Variants in SOX6 observed in about 807,000 individuals in gnomAD.
The protein encoded by SOX6 is SRY-box transcription factor 6.
A neutral mutation model predicts 97.8 loss-of-function variants in SOX6; 11 were observed. That is an observed-to-expected ratio of 0.11 (90% confidence interval 0.07 to 0.19). The LOEUF is 0.19. Among genes scored for constraint, SOX6 ranks in the 10% least tolerant of loss-of-function variants. SOX6 has a pLI of 1.00. For missense variants in SOX6, 810 were observed against 1,039.5 expected, an observed-to-expected ratio of 0.78 and a Z score of 3.04; for synonymous variants, 360 against 371.4, an observed-to-expected ratio of 0.97 and a Z score of 0.35.
At position 16,049,759 on chromosome 11, in the gene SOX6, A is replaced by T. The variant is rs779553988; in HGVS notation, c.1431T>A (p.Ser477=). ...PIGGSLGRGS[S]LDILSSLNSP... is the part of the protein sequence containing the mutation. ...GGTGTTGACTTTTCCATTTACCTAAAGAGGATCCTCTTCCCAGGCTTCCTC... is the reference window on the plus strand; with the variant it reads ...GGTGTTGACTTTTCCATTTACCTAATGAGGATCCTCTTCCCAGGCTTCCTC... The change falls in exon 11 of 16, where the codon TCT becomes TCA. Residue 477 remains serine, a synonymous_variant. Transcript: ENST00000683767. The T allele has an allele frequency of 6.2e-7, 1 of 1,613,430 alleles. No homozygotes were observed. The highest frequency in any genetic ancestry group is 8.5e-7 in the Non-Finnish European group (1 of 1,179,776).
intron 4 of SOX6, among the ~76,000 whole-genome samples, chr11:16,497,428 A>C (rs1860620107): frequency 6.6e-6 from 1 of 152,212 alleles, no homozygotes; most frequent in African/African-American, 2.4e-5. Flanking sequence ...CTCCAAAGGA[A>C]TGCAGGTCCT....
intron 3 of SOX6, among the ~76,000 whole-genome samples, chr11:16,645,608 C>T (rs1157901818): frequency 6.6e-6 from 1 of 152,124 alleles, no homozygotes; most frequent in Admixed American, 6.5e-5. Context: ...GTTCTCATAA[C>T]AAAATGGCCA....
At chr11:16,484,357 C>T in intron 4 of SOX6, 1 of 819,158 alleles carries the variant, frequency 1.2e-6, no homozygotes, top group Non-Finnish European at 2.2e-6. Flanking sequence ...GGTAAGGATC[C>T]AGGTAGTCCA....
chr11:16,628,312 C>A (rs1384340731), intron 3 of SOX6, among the ~76,000 whole-genome samples: 1 of 151,972 alleles, frequency 6.6e-6, no homozygotes, highest in Non-Finnish European at 1.5e-5. Flanking sequence ...TTAAAATAGT[C>A]TTTTCTAGTT....
At chr11:16,639,695 C>A (rs888020900) in intron 3 of SOX6, among the ~76,000 whole-genome samples, 4 of 152,168 alleles carry the variant, frequency 2.6e-5, no homozygotes, top group African/African-American at 7.2e-5. Flanking sequence ...TGGGTGTTCA[C>A]TCATGATTTG....
intron 1 of SOX6, chr11:16,738,305 T>C (rs1422515985): frequency 5.9e-6 from 1 of 168,936 alleles, no homozygotes; most frequent in Non-Finnish European, 1.3e-5. Flanking sequence ...AAACATTACA[T>C]TTAAACATAG....
intron 6 of SOX6, among the ~76,000 whole-genome samples, chr11:16,115,608 A>T (rs1849329796): frequency 6.6e-6 from 1 of 152,184 alleles, no homozygotes; most frequent in African/African-American, 2.4e-5. Context: ...CACAATTTAC[A>T]CATAGGAAAA....
intron 12 of SOX6, among the ~76,000 whole-genome samples, chr11:16,019,991 T>C (rs1855005103): frequency 6.6e-6 from 1 of 152,162 alleles, no homozygotes; most frequent in African/African-American, 2.4e-5. Context: ...TCCTAGCTCT[T>C]AGCTTCAATT....
rs529932175 is a variant in SOX6, at chr11:16,367,111, C to T, written c.-4-25859G>A. Among the ~76,000 whole-genome samples the T allele has an allele frequency of 1.8e-3, 278 of 152,250 alleles. 4 individuals carry two copies. Among genetic ancestry groups the T allele is most frequent in the South Asian group, 3.7e-3 (18 of 4,824 alleles). ...TAGAAAATCTAAATCTACAGGTTAGCTCCTCAGACAAGTTCTAAGATATAG... is the reference window on the plus strand; with the variant it reads ...TAGAAAATCTAAATCTACAGGTTAGTTCCTCAGACAAGTTCTAAGATATAG... On this transcript the variant is annotated intron_variant, in intron 1 of 15. Coordinates refer to the SOX6 transcript ENST00000396356.
At chr11:16,553,193 G>A (rs1416607753) in intron 4 of SOX6, among the ~76,000 whole-genome samples, 1 of 152,194 alleles carries the variant, frequency 6.6e-6, no homozygotes, top group African/African-American at 2.4e-5. Context: ...CTTTGGCTAG[G>A]AAAGAACTTA....
intron 6 of SOX6, among the ~76,000 whole-genome samples, chr11:16,115,320 A>G (rs1432692602): frequency 6.6e-6 from 1 of 152,180 alleles, no homozygotes; most frequent in East Asian, 1.9e-4. Flanking sequence ...TACCTACTGA[A>G]TCAGAAAACT....
At chr11:16,379,642 C>A (rs911170262) in intron 1 of SOX6, among the ~76,000 whole-genome samples, 5 of 152,118 alleles carry the variant, frequency 3.3e-5, no homozygotes, top group Non-Finnish European at 5.9e-5. Context: ...CTCTTATACA[C>A]TGTTGACAAG....
intron 3 of SOX6, among the ~76,000 whole-genome samples, chr11:16,295,538 G>A (rs979442436): frequency 6.6e-6 from 1 of 151,828 alleles, no homozygotes; most frequent in African/African-American, 2.4e-5. Flanking sequence ...ATTCTTACCT[G>A]GACTACAAAA....
intron 3 of SOX6, among the ~76,000 whole-genome samples, chr11:16,297,879 A>G (rs1855145243): frequency 6.6e-6 from 1 of 152,196 alleles, no homozygotes; most frequent in Middle Eastern, 3.2e-3. Context: ...AGCAGAACTC[A>G]TAAAACAGGG....
chr11:16,541,792 A>G (rs1268991599), intron 4 of SOX6, among the ~76,000 whole-genome samples: 1 of 152,186 alleles, frequency 6.6e-6, no homozygotes, highest in African/African-American at 2.4e-5. Context: ...TAGAATGGTG[A>G]GCATTAAAAA....
chr11:16,139,972 T>TAC (rs1203329604), intron 6 of SOX6, among the ~76,000 whole-genome samples: 4 of 148,006 alleles, frequency 2.7e-5, no homozygotes, highest in South Asian at 2.1e-4. Context: ...TATATATATA[T>TAC]ACATATAATA....
intron 6 of SOX6, among the ~76,000 whole-genome samples, chr11:16,128,755 T>C (rs116937883): frequency 0.013 from 1,923 of 152,284 alleles, 20 homozygotes; most frequent in South Asian, 0.026. Flanking sequence ...TTGAGGCACA[T>C]AGGGATAGTG....
intron 4 of SOX6, among the ~76,000 whole-genome samples, chr11:16,544,650 T>C (rs546116072): frequency 1.3e-5 from 2 of 152,272 alleles, no homozygotes; most frequent in Admixed American, 6.5e-5. Context: ...CAAATATCAC[T>C]GAATTATGCA....
chr11:16,374,396 C>A (rs1361521394), intron 1 of SOX6, among the ~76,000 whole-genome samples: 1 of 152,074 alleles, frequency 6.6e-6, no homozygotes, highest in Admixed American at 6.6e-5. Context: ...TCTTTCTAAC[C>A]CTTCTGCATT....
Sources: allele counts gnomAD v4.1 joint callset (sites outside exome capture counted in the v4.1 genomes callset), GRCh38; gene constraint gnomAD v4.1.1; transcripts MANE v1.5; gene names NCBI Gene and HGNC (gene_info 2026-07-23, HGNC 2026-07-21).